GPR155: variants seen among roughly 807,000 people sequenced by gnomAD.
The protein encoded by GPR155 is G protein-coupled receptor 155, also known as lysosomal cholesterol signaling protein.
Under a neutral mutation model 93.1 loss-of-function variants are expected in GPR155, and 65 were observed. The ratio of observed to expected loss-of-function variants is 0.70; its 90% CI spans 0.57 to 0.86. The LOEUF is 0.86. GPR155 is among the 40% of genes least tolerant of loss of function. The pLI is 0.00. For missense variants in GPR155, 838 were observed against 1,034.8 expected, an observed-to-expected ratio of 0.81 and a Z score of 2.61; for synonymous variants, 319 against 360.1, an observed-to-expected ratio of 0.89 and a Z score of 1.29.
intron 11 of GPR155, among the ~76,000 whole-genome samples, chr2:174,448,530 G>GT (rs565221876): frequency 5.0e-5 from 5 of 100,962 alleles, no homozygotes; most frequent in East Asian, 3.4e-4. Flanking sequence ...TTTGTTTTTT[G>GT]TTTTTTTTTT....
At chr2:174,437,544 T>G (rs556999892) in intron 15 of GPR155, among the ~76,000 whole-genome samples, 5 of 151,712 alleles carry the variant, frequency 3.3e-5, no homozygotes, top group Non-Finnish European at 7.4e-5. Flanking sequence ...GCCTTCTTTT[T>G]GCTTGTTGAT....
At chr2:174,476,283 G>A (rs183181732) in intron 2 of GPR155, among the ~76,000 whole-genome samples, 5 of 152,218 alleles carry the variant, frequency 3.3e-5, no homozygotes, top group South Asian at 2.1e-4. Context: ...ATTTTCTCAC[G>A]GTTCTCACTG....
chr2:174,476,262 CA>C (rs1040100561), intron 2 of GPR155, among the ~76,000 whole-genome samples: 30 of 152,296 alleles, frequency 2.0e-4, no homozygotes, highest in Admixed American at 1.0e-3. Context: ...TCTAAACTTT[CA>C]AAAGGTAAGA....
intron 13 of GPR155, among the ~76,000 whole-genome samples, chr2:174,442,744 C>T (rs567538616): frequency 6.6e-6 from 1 of 152,248 alleles, no homozygotes; most frequent in African/African-American, 2.4e-5. Flanking sequence ...TGGGAGCTGC[C>T]ATCTGTGTCA....
Position 174,473,320 on chromosome 2 carries a change from T to G in GPR155, c.505A>C (p.Ile169Leu). Residue 169 changes from isoleucine (I) to leucine (L), a missense_variant, in exon 3 of 16, where the codon ATT (isoleucine) becomes CTT (leucine). Physicochemically the swap from Ile to Leu is conservative, Grantham distance 5 (BLOSUM62 2). Around this residue, in one of 3 missense-constraint regions of GPR155, gnomAD observed 663 missense variants for 790.1 expected, o/e 0.84. Transcript: ENST00000392552. ...AGAGATATTGGTGCCACCAAATAAATGTACTGGAGATATTCTGGGTATGTA... is the reference window on the plus strand; with the variant it reads ...AGAGATATTGGTGCCACCAAATAAAGGTACTGGAGATATTCTGGGTATGTA... ...QTTYPEYLQY[I>L]YLVAPISLMM... 6.2e-7 allele frequency: 1 copy of G among 1,601,862 alleles called. No individual in the cohort carries two copies. The highest frequency in any genetic ancestry group is 8.5e-7 in the Non-Finnish European group (1 of 1,173,182).
chr2:174,469,590 T>C (rs200746908), intron 4 of GPR155, among the ~76,000 whole-genome samples: 2 of 152,208 alleles, frequency 1.3e-5, no homozygotes, highest in East Asian at 3.8e-4. Context: ...TTGGTGTCAA[T>C]TGATTTTAGC....
At chr2:174,448,326 C>T (rs1227536011) in intron 11 of GPR155, among the ~76,000 whole-genome samples, 1 of 152,060 alleles carries the variant, frequency 6.6e-6, no homozygotes, top group Non-Finnish European at 1.5e-5. Context: ...AGTGAGCCAA[C>T]ATCGTGCCAT....
At chr2:174,483,646 G>A (rs528902564) in intron 1 of GPR155, among the ~76,000 whole-genome samples, 2 of 152,034 alleles carry the variant, frequency 1.3e-5, no homozygotes, top group South Asian at 2.1e-4. Flanking sequence ...GTGTAATGGC[G>A]TGATTGCGGC....
intron 15 of GPR155, among the ~76,000 whole-genome samples, chr2:174,438,770 G>C (rs760122550): frequency 6.6e-6 from 1 of 152,184 alleles, no homozygotes. Context: ...GCCTCCTAAA[G>C]TGCTGGGATT....
chr2:174,458,028 T>C (rs975457317), intron 10 of GPR155, among the ~76,000 whole-genome samples: 1 of 152,174 alleles, frequency 6.6e-6, no homozygotes, highest in African/African-American at 2.4e-5. Flanking sequence ...TGAGCAACCA[T>C]ACCCAGCTTT....
chr2:174,464,651 A>C (rs1030937039), intron 7 of GPR155, among the ~76,000 whole-genome samples: 1 of 151,534 alleles, frequency 6.6e-6, no homozygotes, highest in African/African-American at 2.4e-5. Context: ...CTGCTCTGTT[A>C]TTCTGATTAT....
chr2:174,475,122 C>A lies in GPR155; in HGVS notation c.461-1758G>T, dbSNP rs1447250077. On this transcript the variant is annotated intron_variant, in intron 2 of 15. Transcript: ENST00000392552. ...CATCCCGGCTAAAATGGTGAAACCC[C>A]GTCTCTACTAAAAATACAAAAAATT... Among the ~76,000 whole-genome samples the A allele has an allele frequency of 4.0e-5, 6 of 150,018 alleles. No individual in the cohort carries two copies. In the East Asian group the frequency reaches 1.2e-3, roughly 30 times the overall value.
Position 174,446,675 on chromosome 2 carries a change from C to T in GPR155, c.1949G>A (p.Ser650Asn), listed in dbSNP as rs564401118. 2 of 1,613,850 alleles carry T rather than the reference C, an allele frequency of 1.2e-6. No homozygotes were observed. The highest frequency in any genetic ancestry group is 1.7e-5 in the Admixed American group (1 of 60,030). The change falls in exon 12 of 16, where the codon AGT becomes AAT. Residue 650 changes from serine to asparagine, a missense_variant. Physicochemically the swap from Ser to Asn is conservative, Grantham distance 46. This residue lies in a region of GPR155 where 663 missense variants were observed against 790.1 expected (regional missense o/e 0.84). Coordinates refer to ENST00000392552, the MANE Select transcript of GPR155 (RefSeq NM_152529.7). Reference sequence around the variant, plus strand: ...ATGTCGGGTCAGTTGCTGGTCTCCACTCTGTAGATACTGTTCTTCTTCCTG... The same window carrying T: ...ATGTCGGGTCAGTTGCTGGTCTCCATTCTGTAGATACTGTTCTTCTTCCTG... Reference protein sequence around the residue: ...LAQEEEQYLQSGDQQLTRHVL... With the variant: ...LAQEEEQYLQNGDQQLTRHVL...
chr2:174,446,438 G>C (rs149536700), intron 12 of GPR155, among the ~76,000 whole-genome samples, 173 bp downstream of exon 12: 1 of 151,854 alleles, frequency 6.6e-6, no homozygotes, highest in East Asian at 1.9e-4. Context: ...TAATGTGAAT[G>C]ATTCATCTCT....
In GPR155 at chr2:174,442,181, T is replaced by A; in HGVS notation, c.2112A>T (p.Gly704=). 1 of 1,338,740 alleles carries A rather than the reference T, an allele frequency of 7.5e-7. No homozygotes were observed. Among genetic ancestry groups the A allele is most frequent in the Non-Finnish European group, 1.1e-6 (1 of 931,468 alleles). The allele number at this position is 1,338,740 out of a possible 1,614,324, so 82.9% of individuals were successfully genotyped here. The part of the protein sequence containing the change: ...FFCAVFNFGQ[G]FISFGIFGLD... The stretch of plus-strand genomic sequence containing the variant: ...ATCCAAAGATTCCAAAGGAAATAAA[T>A]CCCTAGGGAAGAAAACAAAGTTATT... Residue 704 remains glycine, a splice_region_variant and synonymous_variant, in exon 14 of 16, where the codon GGA becomes GGT. Transcript: ENST00000392552.
Position 174,431,991 on chromosome 2 carries a change from A to T in GPR155, c.*4125T>A, listed in dbSNP as rs1686655846. On this transcript the variant is annotated 3_prime_UTR_variant, in exon 16 of 16. Coordinates refer to ENST00000392552, the MANE Select transcript of GPR155 (RefSeq NM_152529.7). Reference sequence around the variant, plus strand: ...AGAGATAGGTTTTAATCAAAATTTTATCATTTTTCTAGCTGTCACTCTACA... The same window carrying T: ...AGAGATAGGTTTTAATCAAAATTTTTTCATTTTTCTAGCTGTCACTCTACA... The T allele has an allele frequency of 6.6e-6, 1 of 152,220 alleles. No homozygotes were observed. Among genetic ancestry groups the T allele is most frequent in the Non-Finnish European group, 1.5e-5 (1 of 68,028 alleles). The allele number at this position is 152,220 out of a possible 1,614,324, so 9.4% of individuals were successfully genotyped here. A position where few individuals can be genotyped will look rare whatever the true frequency, so the allele number is the denominator to read the frequency against.
intron 15 of GPR155, among the ~76,000 whole-genome samples, chr2:174,436,787 G>A (rs1686798614): frequency 6.6e-6 from 1 of 152,170 alleles, no homozygotes. Flanking sequence ...GTTATACTAA[G>A]TAATTTGTGT....
At chr2:174,445,016 G>A (rs554481956) in intron 13 of GPR155, 65 bp downstream of exon 13, 120 of 787,162 alleles carry the variant, frequency 1.5e-4, no homozygotes, top group South Asian at 5.3e-4. Flanking sequence ...CGCTTCCCCC[G>A]ACCCCCTACC....
intron 1 of GPR155, among the ~76,000 whole-genome samples, chr2:174,484,766 T>C (rs746678307): frequency 2.6e-5 from 4 of 152,026 alleles, no homozygotes; most frequent in Admixed American, 6.5e-5. Context: ...CCTTAGTCTC[T>C]ACAAAAAATT....
Sources: allele counts gnomAD v4.1 joint callset (sites outside exome capture counted in the v4.1 genomes callset), GRCh38; gene constraint gnomAD v4.1.1; regional missense constraint gnomAD v4.1.1; transcripts MANE v1.5; gene names NCBI Gene and HGNC (gene_info 2026-07-23, HGNC 2026-07-21).